The following NIPBL variants were observed in gnomAD, a reference collection of about 807,000 sequenced individuals.
The protein encoded by NIPBL is nipped-B-like protein.
NIPBL carries 19 observed loss-of-function variants against 321.8 expected under a neutral mutation model. That is an observed-to-expected ratio of 0.06 (90% CI 0.04 to 0.09). NIPBL has a LOEUF of 0.09. Among genes scored for constraint, NIPBL ranks in the 10% least tolerant of loss-of-function variants. NIPBL has a pLI of 1.00. For synonymous variants in NIPBL, 1,106 were observed against 1,114.1 expected (o/e 0.99, Z 0.14); for missense variants, 2,210 against 3,327.0 (o/e 0.66, Z 8.26).
intron 32 of NIPBL, among the ~76,000 whole-genome samples, chr5:37,031,986 A>G (rs1751076918): frequency 1.3e-5 from 2 of 152,174 alleles, no homozygotes; most frequent in Non-Finnish European, 2.9e-5. Flanking sequence ...TTCAGGGATG[A>G]TAGTTATGGT....
At position 37,046,281 on chromosome 5, in the gene NIPBL, A is replaced by T. The variant is rs182365636; in HGVS notation, c.6589+82A>T. On this transcript the variant is annotated intron_variant, in intron 38 of 46. Coordinates refer to ENST00000282516, the MANE Select transcript of NIPBL (RefSeq NM_133433.4). ...TAAATATTGTGAATCTAAATTGTTG[A>T]TTTACTTTAATATGTTTCTATTAGC... 97 of 818,888 alleles carry T rather than the reference A, an allele frequency of 1.2e-4. 1 individual carries two copies. The African/African-American group carries it at 1.5e-3, about 12-fold the overall frequency. The allele number at this position is 818,888 out of a possible 1,614,324, so 50.7% of individuals were successfully genotyped here. A position where few individuals can be genotyped will look rare whatever the true frequency, so the allele number is the denominator to read the frequency against.
intron 1 of NIPBL, among the ~76,000 whole-genome samples, chr5:36,904,822 A>G (rs1056310630): frequency 1.3e-5 from 2 of 152,204 alleles, no homozygotes; most frequent in African/African-American, 4.8e-5. Context: ...GACTTCCCTT[A>G]AAGTGACTAA....
chr5:37,020,018 A>C (rs1749447114), intron 25 of NIPBL, among the ~76,000 whole-genome samples: 1 of 152,234 alleles, frequency 6.6e-6, no homozygotes, highest in African/African-American at 2.4e-5. Flanking sequence ...TCTCAGTGTT[A>C]AACTATTTCA....
chr5:36,966,052 T>C (rs1033358163), intron 6 of NIPBL, among the ~76,000 whole-genome samples: 2 of 152,110 alleles, frequency 1.3e-5, no homozygotes, highest in African/African-American at 4.8e-5. Flanking sequence ...TATTCTCCTA[T>C]ATAAAAAATT....
intron 1 of NIPBL, among the ~76,000 whole-genome samples, chr5:36,942,374 G>C (rs1739180815): frequency 7.1e-6 from 1 of 140,390 alleles, no homozygotes; most frequent in Non-Finnish European, 1.5e-5. Flanking sequence ...GGAGGTTGCA[G>C]TGAGCTAAGA....
At chr5:36,999,761 G>A (rs1746569688) in intron 11 of NIPBL, among the ~76,000 whole-genome samples, 1 of 152,190 alleles carries the variant, frequency 6.6e-6, no homozygotes, top group South Asian at 2.1e-4. Context: ...GACTTTTGTT[G>A]AAGAACTGAA....
At position 37,046,191 on chromosome 5, in the gene NIPBL, T is replaced by C. The variant is rs1752963346; in HGVS notation, c.6581T>C (p.Ile2194Thr). ...SDEEVQTKAIIGLGFAFIQHP... is the reference protein window; with the variant it reads ...SDEEVQTKAITGLGFAFIQHP... ...GAAGAAGTACAAACAAAAGCTATCA[T>C]TGGTCTAGGTAAGTCTAAATTTCTT... Residue 2194 changes from isoleucine (I) to threonine (T), a missense_variant, in exon 38 of 47, where the codon ATT becomes ACT. Transcript: ENST00000282516. 6.5e-7 allele frequency: 1 copy of C among 1,544,090 alleles called. No homozygotes were observed. Among genetic ancestry groups the C allele is most frequent in the Middle Eastern group, 1.7e-4 (1 of 5,938 alleles).
intron 11 of NIPBL, among the ~76,000 whole-genome samples, chr5:36,998,578 G>A (rs1024673102): frequency 3.3e-5 from 5 of 152,090 alleles, no homozygotes; most frequent in African/African-American, 9.7e-5. Flanking sequence ...TTGGGAGGCC[G>A]AGGTGGGAGG....
intron 1 of NIPBL, among the ~76,000 whole-genome samples, chr5:36,893,490 A>AT (rs546449629): frequency 8.4e-4 from 124 of 147,980 alleles, no homozygotes; most frequent in Non-Finnish European, 1.4e-3. Flanking sequence ...TCACCTAGGG[A>AT]TTTTTTTTTT....
At chr5:36,915,074 T>C (rs576593249) in intron 1 of NIPBL, among the ~76,000 whole-genome samples, 1 of 152,060 alleles carries the variant, frequency 6.6e-6, no homozygotes, top group Non-Finnish European at 1.5e-5. Flanking sequence ...GCCCTGTATA[T>C]AATCATCCTT....
intron 22 of NIPBL, among the ~76,000 whole-genome samples, chr5:37,015,546 G>A (rs565557295): frequency 4.8e-4 from 73 of 152,100 alleles, no homozygotes; most frequent in African/African-American, 1.7e-3. Flanking sequence ...CCTGACCAGC[G>A]TGGTGAAACC....
chr5:36,972,185 C>T, intron 8 of NIPBL, 144 bp downstream of exon 8: 1 of 632,076 alleles, frequency 1.6e-6, no homozygotes, highest in Non-Finnish European at 2.8e-6. Context: ...ACAAGCAGGT[C>T]TGGATCATGG....
chr5:36,995,222 C>G, intron 10 of NIPBL: 1 of 180,848 alleles, frequency 5.5e-6, no homozygotes, highest in South Asian at 1.2e-4. Context: ...CAAACTACTT[C>G]AGACCTACAC....
intron 11 of NIPBL, among the ~76,000 whole-genome samples, chr5:36,999,848 A>G (rs1377691052): frequency 6.6e-6 from 1 of 152,184 alleles, no homozygotes; most frequent in East Asian, 1.9e-4. Context: ...ACCAGGGCTT[A>G]TGGAATTTAT....
intron 1 of NIPBL, among the ~76,000 whole-genome samples, chr5:36,916,442 C>T (rs1019515518): frequency 1.1e-4 from 17 of 152,140 alleles, no homozygotes; most frequent in Admixed American, 6.6e-4. Context: ...ACTAAAACCA[C>T]GGAAGTGCCC....
chr5:36,939,662 T>C (rs141049558), intron 1 of NIPBL, among the ~76,000 whole-genome samples: 403 of 152,314 alleles, frequency 2.6e-3, no homozygotes, highest in African/African-American at 8.9e-3. Flanking sequence ...TTATTTCTTA[T>C]AGTTCTGGAG....
At chr5:37,048,703 A>G (rs1326277793) in intron 39 of NIPBL, 28 bp downstream of exon 39, 17 of 1,496,332 alleles carry the variant, frequency 1.1e-5, no homozygotes, top group Non-Finnish European at 1.5e-5. Context: ...TTTAAATTTC[A>G]TAGCTACATT....
chr5:36,991,037 T>G (rs1489198283), intron 10 of NIPBL, among the ~76,000 whole-genome samples: 1 of 152,060 alleles, frequency 6.6e-6, no homozygotes, highest in East Asian at 1.9e-4. Flanking sequence ...AAGGGCCTGA[T>G]GTGAAATTAA....
At chr5:36,986,463 AG>A (rs1246537335) in intron 10 of NIPBL, among the ~76,000 whole-genome samples, 162 bp downstream of exon 10, 2 of 152,188 alleles carry the variant, frequency 1.3e-5, no homozygotes, top group Non-Finnish European at 2.9e-5. Flanking sequence ...ATAGATAAAA[AG>A]TTTCCAGTGA....
Sources: allele counts gnomAD v4.1 joint callset (sites outside exome capture counted in the v4.1 genomes callset), GRCh38; gene constraint gnomAD v4.1.1; transcripts MANE v1.5; gene names NCBI Gene and HGNC (gene_info 2026-07-23, HGNC 2026-07-21).